The following DCC variants were observed in gnomAD, a reference collection of about 807,000 sequenced individuals.
DCC encodes DCC netrin 1 receptor, also known as netrin receptor DCC.
In DCC, 58 loss-of-function variants were observed where a neutral mutation model predicts 172.5. That is an observed-to-expected ratio of 0.34 (90% CI 0.27 to 0.42). The LOEUF (loss-of-function observed/expected upper bound fraction) is 0.42. Ranked by LOEUF, DCC falls within the 10% of genes least tolerant of loss-of-function variation. DCC has a pLI of 1.00. For missense variants in DCC, 1,740 were observed against 1,791.0 expected (o/e 0.97, Z 0.51); for synonymous variants, 709 against 644.5 (o/e 1.10, Z -1.52).
rs572471272 is a variant in DCC at position 53,218,378 on chromosome 18, G to A, written c.1911+2781G>A. Among the ~76,000 whole-genome samples the A allele has an allele frequency of 1.4e-4, 21 of 152,078 alleles. 1 individual carries two copies. The highest frequency in any genetic ancestry group is 1.2e-3 in the East Asian group (6 of 5,174). On this transcript the variant is annotated intron_variant, in intron 12 of 28. Transcript: ENST00000442544. ...ACATATGATCACAATCTAGGTACTC[G>A]TTAAGGTTTTGGTCACCCGTAAGCC...
intron 20 of DCC, among the ~76,000 whole-genome samples, chr18:53,412,228 T>C (rs1443953352): frequency 6.6e-6 from 1 of 152,192 alleles, no homozygotes; most frequent in Non-Finnish European, 1.5e-5. Context: ...AATACCCTGA[T>C]TTGAAGTTTA....
At chr18:53,359,890 G>T (rs2057925821) in intron 15 of DCC, among the ~76,000 whole-genome samples, 1 of 152,038 alleles carries the variant, frequency 6.6e-6, no homozygotes, top group African/African-American at 2.4e-5. Context: ...CATCTTCGAG[G>T]CTTGTATCCC....
chr18:53,272,440 A>G (rs2056759802), intron 12 of DCC, among the ~76,000 whole-genome samples: 1 of 152,108 alleles, frequency 6.6e-6, no homozygotes, highest in East Asian at 1.9e-4. Context: ...TTCTCACAGA[A>G]CTATCAATTG....
At chr18:53,231,889 A>C (rs1020065757) in intron 12 of DCC, among the ~76,000 whole-genome samples, 5 of 152,152 alleles carry the variant, frequency 3.3e-5, no homozygotes, top group Admixed American at 2.0e-4. Flanking sequence ...ATATGTGCCA[A>C]AAGACTGATA....
At chr18:52,847,805 C>A (rs2038918472) in intron 2 of DCC, among the ~76,000 whole-genome samples, 1 of 152,180 alleles carries the variant, frequency 6.6e-6, no homozygotes, top group Admixed American at 6.5e-5. Flanking sequence ...AAGAGACGTA[C>A]CCTAGTTGAA....
At chr18:52,357,580 C>T (rs1419236875) in intron 1 of DCC, among the ~76,000 whole-genome samples, 1 of 152,108 alleles carries the variant, frequency 6.6e-6, no homozygotes, top group Non-Finnish European at 1.5e-5. Context: ...ATTATATATA[C>T]TCTACTCTCG....
intron 1 of DCC, among the ~76,000 whole-genome samples, chr18:52,514,279 G>A (rs1198315473): frequency 6.6e-6 from 1 of 152,140 alleles, no homozygotes; most frequent in African/African-American, 2.4e-5. Context: ...TTATAGTTGG[G>A]AATGTATTGA....
At chr18:53,137,420 G>T (rs1337817807) in intron 7 of DCC, among the ~76,000 whole-genome samples, 1 of 152,192 alleles carries the variant, frequency 6.6e-6, no homozygotes, top group African/African-American at 2.4e-5. Context: ...TGGCCATGTA[G>T]CCTCTCCATA....
intron 1 of DCC, among the ~76,000 whole-genome samples, chr18:52,399,946 T>C (rs2144371757): frequency 6.6e-6 from 1 of 152,124 alleles, no homozygotes; most frequent in Non-Finnish European, 1.5e-5. Flanking sequence ...GATGAATGCC[T>C]ACCTCAAAAG....
At chr18:52,401,572 A>G (rs908983782) in intron 1 of DCC, among the ~76,000 whole-genome samples, 6 of 152,164 alleles carry the variant, frequency 3.9e-5, no homozygotes, top group Non-Finnish European at 8.8e-5. Flanking sequence ...GAGCAAAGGA[A>G]CAGTGAAAAT....
chr18:52,984,690 G>C (rs1324725680), intron 5 of DCC, among the ~76,000 whole-genome samples: 2 of 151,882 alleles, frequency 1.3e-5, no homozygotes, highest in African/African-American at 4.8e-5. Flanking sequence ...ATTAATTATA[G>C]AATTTAAAAC....
chr18:53,418,171 T>C (rs1910429432), intron 21 of DCC, among the ~76,000 whole-genome samples: 1 of 152,202 alleles, frequency 6.6e-6, no homozygotes, highest in Admixed American at 6.5e-5. Context: ...AGTTGATAGG[T>C]TCTAAATTTT....
At chr18:52,857,645 C>T (rs1300065903) in intron 2 of DCC, among the ~76,000 whole-genome samples, 1 of 152,002 alleles carries the variant, frequency 6.6e-6, no homozygotes, top group Non-Finnish European at 1.5e-5. Flanking sequence ...TGAATAATCA[C>T]TAATGAGGCC....
At chr18:52,975,721 G>A (rs2041106771) in intron 5 of DCC, among the ~76,000 whole-genome samples, 1 of 152,108 alleles carries the variant, frequency 6.6e-6, no homozygotes, top group South Asian at 2.1e-4. Flanking sequence ...GTATTCCGTG[G>A]TATATATGTA....
At chr18:52,946,838 G>A (rs1206362889) in intron 5 of DCC, among the ~76,000 whole-genome samples, 1 of 152,066 alleles carries the variant, frequency 6.6e-6, no homozygotes, top group Non-Finnish European at 1.5e-5. Flanking sequence ...GGGTAAGGCA[G>A]GTGAGGTGCA....
intron 16 of DCC, among the ~76,000 whole-genome samples, chr18:53,388,426 T>C (rs1908318993): frequency 6.6e-6 from 1 of 152,232 alleles, no homozygotes; most frequent in South Asian, 2.1e-4. Context: ...CCGTGTAAAG[T>C]AACTACAAAA....
At chr18:52,844,676 T>C (rs995380009) in intron 2 of DCC, among the ~76,000 whole-genome samples, 2 of 152,018 alleles carry the variant, frequency 1.3e-5, no homozygotes, top group African/African-American at 4.8e-5. Context: ...CAAATACATA[T>C]GAACTAGTAC....
chr18:52,380,431 C>G (rs1342085918), intron 1 of DCC, among the ~76,000 whole-genome samples: 2 of 152,038 alleles, frequency 1.3e-5, no homozygotes, highest in Non-Finnish European at 2.9e-5. Flanking sequence ...TTGTGGTACC[C>G]AAGCACCTAC....
At chr18:52,662,170 T>C (rs2035371760) in intron 1 of DCC, among the ~76,000 whole-genome samples, 1 of 152,190 alleles carries the variant, frequency 6.6e-6, no homozygotes, top group South Asian at 2.1e-4. Flanking sequence ...AGTTTCTAAT[T>C]CAGAAGGTCT....
Sources: allele counts gnomAD v4.1 joint callset (sites outside exome capture counted in the v4.1 genomes callset), GRCh38; gene constraint gnomAD v4.1.1; transcripts MANE v1.5; gene names NCBI Gene and HGNC (gene_info 2026-07-23, HGNC 2026-07-21).